PRAMEF25: variants seen among roughly 807,000 people sequenced by gnomAD.
PRAMEF25 encodes the protein PRAME family member 25.
intron 1 of PRAMEF25, 134 bp downstream of exon 1, chr1:13,071,041 T>G (rs1370845428): frequency 7.3e-6 from 1 of 136,462 alleles, no homozygotes; most frequent in Non-Finnish European, 1.7e-5. Flanking sequence ...AATTTGAAGC[T>G]TTGAATGTTT....
Position 13,071,675 on chromosome 1 carries a change from T to A in PRAMEF25, c.-17+768T>A, listed in dbSNP as rs2100256483. 2 of 42,312 alleles carry A rather than the reference T, an allele frequency of 4.7e-5. 1 individual carries two copies. The highest frequency in any genetic ancestry group is 7.7e-5 in the Non-Finnish European group (2 of 25,850). The allele number at this position is 42,312 out of a possible 1,614,324, so 2.6% of individuals were successfully genotyped here. A position where few individuals can be genotyped will look rare whatever the true frequency, so the allele number is the denominator to read the frequency against. ...AGAAGATTGAGGATGCAGTGAGCCATGCTCACACCACTGCTGTACTCCAGC... is the reference window on the plus strand; with the variant it reads ...AGAAGATTGAGGATGCAGTGAGCCAAGCTCACACCACTGCTGTACTCCAGC... On this transcript the variant is annotated intron_variant, in intron 1 of 3. Transcript: ENST00000619661.
chr1:13,071,125 G>A (rs1484339450), intron 1 of PRAMEF25: 1 of 135,964 alleles, frequency 7.4e-6, no homozygotes, highest in African/African-American at 2.5e-5. Flanking sequence ...CAAAATTCTT[G>A]AAGGGAGCAG....
chr1:13,070,818 C>A (rs1273479145), upstream of PRAMEF25: 1 of 125,130 alleles, frequency 8.0e-6, no homozygotes, highest in Non-Finnish European at 1.8e-5. Flanking sequence ...CTTCTAAAGA[C>A]CCACAGGAGA....
chr1:13,076,589 A>C, intron 3 of PRAMEF25: 2 of 187,930 alleles, frequency 1.1e-5, no homozygotes, highest in Non-Finnish European at 1.8e-5. Flanking sequence ...TGCAACCTAC[A>C]CCTCCTGGGT....
chr1:13,076,461 T>A (rs535757448), intron 3 of PRAMEF25: 1 of 96,792 alleles, frequency 1.0e-5, no homozygotes, highest in East Asian at 2.7e-4. Flanking sequence ...TCCATTCCTA[T>A]AAATGATGGT....
Sources: allele counts gnomAD v4.1 joint callset, GRCh38; gene constraint gnomAD v4.1.1; transcripts MANE v1.5; gene names NCBI Gene and HGNC (gene_info 2026-07-23, HGNC 2026-07-21).